TMEM94: variants seen among roughly 807,000 people sequenced by gnomAD.
TMEM94 encodes the protein transmembrane protein 94.
In TMEM94, 81 loss-of-function variants were observed where a neutral mutation model predicts 158.6. The observed-to-expected ratio is 0.51, with a 90% confidence interval of 0.43 to 0.61. The LOEUF is 0.61. Among genes scored for constraint, TMEM94 ranks in the 20% least tolerant of loss-of-function variants. TMEM94 has a pLI of 0.00. For synonymous variants in TMEM94, 751 were observed against 730.7 expected, an observed-to-expected ratio of 1.03 and a Z score of -0.45; for missense variants, 1,435 against 1,762.0, an observed-to-expected ratio of 0.81 and a Z score of 3.32.
chr17:75,491,646 C>A lies in TMEM94; in HGVS notation c.1387-45C>A. ...CCTAGAAGCATCCTGCCTCCCCAGG[C>A]CATGGGAGCCACTGGTCCTAGCCTG... is the stretch of plus-strand genomic sequence containing the variant. On this transcript the variant is annotated intron_variant, in intron 13 of 31. Transcript: ENST00000314256. This position sits in a 1 kb window ranked among gnomAD's most constrained non-coding sequence, Gnocchi z 5.1. The A allele has an allele frequency of 6.3e-7, 1 of 1,595,880 alleles. No homozygotes were observed. Among genetic ancestry groups the A allele is most frequent in the Non-Finnish European group, 8.6e-7 (1 of 1,165,822 alleles).
intron 1 of TMEM94, among the ~76,000 whole-genome samples, chr17:75,459,044 G>T (rs1318229549): frequency 2.7e-5 from 4 of 148,800 alleles, no homozygotes; most frequent in African/African-American, 1.0e-4. Flanking sequence ...GCGACACAGC[G>T]AGACTCCGTC....
chr17:75,494,668 GC>G lies in TMEM94; in HGVS notation c.2452del (p.Leu818Ter), dbSNP rs757705966. ...GCTGGAGAAGGAAGACTGCATGCAGGCCCTGAGCGGCCAGATCTTCATGGGC... is the reference window on the plus strand; with the variant it reads ...GCTGGAGAAGGAAGACTGCATGCAGGCCTGAGCGGCCAGATCTTCATGGGC... The part of the protein sequence containing the change: ...EVLEKEDCMQ[A>X]LSGQIFMGMV... On this transcript the variant is annotated frameshift_variant, in exon 19 of 32. Transcript: ENST00000314256. LOFTEE classifies it high-confidence loss of function. 2.5e-6 allele frequency: 4 copies of G among 1,613,744 alleles called. No individual in the cohort carries two copies. Among genetic ancestry groups the G allele is most frequent in the Non-Finnish European group, 3.4e-6 (4 of 1,180,034 alleles).
intron 16 of TMEM94, 164 bp downstream of exon 16, chr17:75,493,266 G>A: frequency 2.2e-6 from 2 of 903,356 alleles, no homozygotes; most frequent in South Asian, 3.4e-5. Context: ...CCAGGGCTGG[G>A]ATGGTGTTGG....
intron 2 of TMEM94, among the ~76,000 whole-genome samples, chr17:75,483,525 A>G (rs1567935101): frequency 1.4e-5 from 2 of 147,746 alleles, no homozygotes; most frequent in Non-Finnish European, 3.0e-5. Flanking sequence ...CAGTGGCGTG[A>G]TCTTGGCTCA....
intron 1 of TMEM94, among the ~76,000 whole-genome samples, chr17:75,466,940 G>T (rs1335473746): frequency 1.3e-5 from 2 of 150,798 alleles, no homozygotes; most frequent in Non-Finnish European, 2.9e-5. Context: ...CAGTGTACAG[G>T]TCTTACATAT....
At chr17:75,496,503 C>T (rs762049064) in intron 24 of TMEM94, 32 bp downstream of exon 24, 31 of 1,602,600 alleles carry the variant, frequency 1.9e-5, no homozygotes, top group Admixed American at 3.4e-5. Context: ...GGAGGAGAGA[C>T]GCAGGACAGG....
At chr17:75,480,461 C>T (rs2051072448) in intron 2 of TMEM94, among the ~76,000 whole-genome samples, 1 of 152,238 alleles carries the variant, frequency 6.6e-6, no homozygotes, top group Non-Finnish European at 1.5e-5. Context: ...CCTCCCACAC[C>T]TGGAGGGGAG....
In TMEM94 at chr17:75,492,695, C is replaced by A. The variant is rs775071693; in HGVS notation, c.1818C>A (p.Ser606=). ...TCACCGAGCGCCTGTGCCGATTCTC[C>A]GACCACCTGTGCAACATCGCCCTGC... ...ASVTERLCRF[S]DHLCNIALQE... The change falls in exon 15 of 32, where the codon TCC becomes TCA. Residue 606 remains serine (S), a synonymous_variant. Coordinates refer to ENST00000314256, the MANE Select transcript of TMEM94 (RefSeq NM_014738.6). The surrounding 1 kb of genome is among the most constrained non-coding windows in gnomAD (Gnocchi z 4.4). The A allele has an allele frequency of 6.2e-7, 1 of 1,613,332 alleles. No individual in the cohort carries two copies. The highest frequency in any genetic ancestry group is 1.1e-5 in the South Asian group (1 of 91,076).
At position 75,495,829 on chromosome 17, in the gene TMEM94, C is replaced by T. The variant is rs976627592; in HGVS notation, c.2945-137C>T. The T allele has an allele frequency of 2.9e-5, 23 of 798,276 alleles. No homozygotes were observed. The East Asian group carries it at 3.7e-4, about 13-fold the overall frequency. 49.4% of individuals were successfully genotyped at this position (798,276 alleles called of 1,614,324 possible). On this transcript the variant is annotated intron_variant, in intron 22 of 31. Coordinates refer to ENST00000314256, the MANE Select transcript of TMEM94 (RefSeq NM_014738.6). The surrounding 1 kb of genome is among the most constrained non-coding windows in gnomAD (Gnocchi z 5.6). ...AGAAGTGCCGATGTTCACATGATCC[C>T]GCTGCCGGGGGTGGGATTGTTTCAA...
intron 1 of TMEM94, among the ~76,000 whole-genome samples, chr17:75,464,672 C>CTTTCTTTCT (rs1567906973): frequency 3.5e-5 from 3 of 86,512 alleles, no homozygotes; most frequent in Admixed American, 1.2e-4. Flanking sequence ...TCCTTCCTTC[C>CTTTCTTTCT]TTCCTTCTTT....
At chr17:75,472,421 C>G (rs1298577218) in intron 2 of TMEM94, among the ~76,000 whole-genome samples, 1 of 152,216 alleles carries the variant, frequency 6.6e-6, no homozygotes, top group Non-Finnish European at 1.5e-5. Context: ...TGGTTTGGCC[C>G]AGCCTCCATG....
In TMEM94 at chr17:75,496,080, G is replaced by C; in HGVS notation, c.3053+6G>C. ...TTCCTCCAGAGCGACATCAGGTCAG[G>C]GCGGGACCCTGGAGCCTGCGGGCCA... is the stretch of plus-strand genomic sequence containing the variant. On this transcript the variant is annotated splice_donor_region_variant and intron_variant, in intron 23 of 31. Transcript: ENST00000314256. The C allele has an allele frequency of 6.2e-7, 1 of 1,605,696 alleles. No homozygotes were observed. Among genetic ancestry groups the C allele is most frequent in the Non-Finnish European group, 8.5e-7 (1 of 1,176,236 alleles).
rs752007354 is a variant in TMEM94, at chr17:75,498,151, G to T, written c.3490-24G>T. On this transcript the variant is annotated intron_variant, in intron 27 of 31. Transcript: ENST00000314256. This position sits in a 1 kb window ranked among gnomAD's most constrained non-coding sequence, Gnocchi z 6.7. ...CCGGCAGAGGGGCTGTGCGCCCCAG[G>T]AGTGACTGGCCTTGTTCCCGCAGAC... 3.0e-5 allele frequency: 48 copies of T among 1,613,052 alleles called. No homozygotes were observed. The highest frequency in any genetic ancestry group is 4.1e-5 in the Non-Finnish European group (48 of 1,179,720).
Position 75,471,890 on chromosome 17 carries a change from G to A in TMEM94, c.-16G>A, listed in dbSNP as rs372072703. ...TGACCACATTCATCTGGGCATGCCTGCAGTACTCTTGGCCCATGGACCTGA... is the reference window on the plus strand; with the variant it reads ...TGACCACATTCATCTGGGCATGCCTACAGTACTCTTGGCCCATGGACCTGA... On this transcript the variant is annotated 5_prime_UTR_variant, in exon 2 of 32. Transcript: ENST00000314256. 79 of 1,613,814 alleles carry A rather than the reference G, an allele frequency of 4.9e-5. No homozygotes were observed. Among genetic ancestry groups the A allele is most frequent in the Non-Finnish European group, 5.8e-5 (69 of 1,179,866 alleles).
At chr17:75,486,043 C>A (rs1273580454) in intron 4 of TMEM94, 45 bp downstream of exon 4, 1 of 1,563,660 alleles carries the variant, frequency 6.4e-7, no homozygotes. Context: ...GCTGTGCTGT[C>A]CATCCTGCCG....
Position 75,495,507 on chromosome 17 carries a change from C to T in TMEM94, c.2845-37C>T, listed in dbSNP as rs756726603. 3.1e-6 allele frequency: 5 copies of T among 1,599,934 alleles called. No individual in the cohort carries two copies. The South Asian group carries it at 3.3e-5, about 11-fold the overall frequency. ...GCGGTGGAGGGGAGGGATGCTGATC[C>T]CCATCCCGAAGCCGCTGGCATCTCT... is the stretch of plus-strand genomic sequence containing the variant. On this transcript the variant is annotated intron_variant, in intron 21 of 31. Coordinates refer to ENST00000314256, the MANE Select transcript of TMEM94 (RefSeq NM_014738.6). This position sits in a 1 kb window ranked among gnomAD's most constrained non-coding sequence, Gnocchi z 5.6.
At position 75,490,692 on chromosome 17, in the gene TMEM94, CT is replaced by C. The variant is rs2052091145; in HGVS notation, c.1072-9del. 1 of 1,613,738 alleles carries C rather than the reference CT, an allele frequency of 6.2e-7. No homozygotes were observed. Among genetic ancestry groups the C allele is most frequent in the Non-Finnish European group, 8.5e-7 (1 of 1,179,784 alleles). ...TTCCTCACTGAGGACCTCACCCTCT[CT>C]CCGTGCAGCTGGCTAAGTTCTCAGA... On this transcript the variant is annotated splice_polypyrimidine_tract_variant and intron_variant, in intron 10 of 31. Transcript: ENST00000314256.
chr17:75,491,239 G>A lies in TMEM94; in HGVS notation c.1234-64G>A. 6.2e-7 allele frequency: 1 copy of A among 1,602,664 alleles called. No individual in the cohort carries two copies. The highest frequency in any genetic ancestry group is 1.1e-5 in the South Asian group (1 of 90,180). The stretch of plus-strand genomic sequence containing the variant: ...CCTGGGCTGCCCACCTGCCGCTTGA[G>A]TGGCCCCTGGGCAGGATAGGCTAAT... On this transcript the variant is annotated intron_variant, in intron 12 of 31. Coordinates refer to ENST00000314256, the MANE Select transcript of TMEM94 (RefSeq NM_014738.6). The surrounding 1 kb of genome is among the most constrained non-coding windows in gnomAD (Gnocchi z 5.1).
At chr17:75,473,535 A>C (rs1423825953) in intron 2 of TMEM94, among the ~76,000 whole-genome samples, 4 of 152,250 alleles carry the variant, frequency 2.6e-5, no homozygotes, top group African/African-American at 9.6e-5. Flanking sequence ...ACTAGTGCCT[A>C]GTGTATGGGG....
Sources: gnomAD v4.1 joint callset for allele counts (sites outside exome capture counted in the v4.1 genomes callset) on GRCh38, gnomAD v4.1.1 for gene constraint, Gnocchi (gnomAD v3.1) non-coding constraint, MANE v1.5 for transcripts, NCBI Gene and HGNC (gene_info 2026-07-23, HGNC 2026-07-21) for gene names.